The following SPECC1 variants were observed in gnomAD, a reference collection of about 807,000 sequenced individuals.
The protein encoded by SPECC1 is sperm antigen with calponin homology and coiled-coil domains 1.
A neutral mutation model predicts 104.1 loss-of-function variants in SPECC1; 62 were observed. The ratio of observed to expected loss-of-function variants is 0.60; its 90% CI spans 0.49 to 0.74. The LOEUF (loss-of-function observed/expected upper bound fraction) is 0.74, where lower values mean the gene tolerates loss of function less well. Ranked by LOEUF, SPECC1 falls within the 30% of genes least tolerant of loss-of-function variation. The pLI is 0.00. For synonymous variants in SPECC1, 513 were observed against 501.6 expected (o/e 1.02, Z -0.30); for missense variants, 1,306 against 1,310.5 (o/e 1.00, Z 0.05).
intron 3 of SPECC1, among the ~76,000 whole-genome samples, chr17:20,189,059 A>G (rs544729175): frequency 2.4e-4 from 37 of 152,288 alleles, no homozygotes; most frequent in African/African-American, 8.4e-4. Flanking sequence ...ATTATGATCT[A>G]GACTAGACTA....
At chr17:20,206,370 T>A (rs1597974229) in intron 4 of SPECC1, among the ~76,000 whole-genome samples, 1 of 152,334 alleles carries the variant, frequency 6.6e-6, no homozygotes. Flanking sequence ...TCACTCCCAA[T>A]TTTCAACTAA....
At chr17:20,196,576 A>G (rs746632693) in intron 3 of SPECC1, among the ~76,000 whole-genome samples, 2 of 152,240 alleles carry the variant, frequency 1.3e-5, no homozygotes, top group African/African-American at 2.4e-5. Flanking sequence ...TACACAGACC[A>G]TCTGAGACAT....
intron 5 of SPECC1, among the ~76,000 whole-genome samples, chr17:20,228,988 A>C (rs2038406394): frequency 6.6e-6 from 1 of 152,142 alleles, no homozygotes; most frequent in Non-Finnish European, 1.5e-5. Context: ...TGGTGAATTC[A>C]TCTGCTTGAT....
intron 3 of SPECC1, among the ~76,000 whole-genome samples, chr17:20,146,193 C>T (rs1019032722): frequency 3.3e-5 from 5 of 152,178 alleles, no homozygotes; most frequent in African/African-American, 4.8e-5. Flanking sequence ...CCCTAAAAAT[C>T]GCCTGTGCTC....
At chr17:20,242,809 G>A (rs1404316472) in intron 7 of SPECC1, among the ~76,000 whole-genome samples, 3 of 152,148 alleles carry the variant, frequency 2.0e-5, no homozygotes, top group Non-Finnish European at 4.4e-5. Context: ...ATCTAGTTTT[G>A]TTGAAAATTA....
intron 12 of SPECC1, among the ~76,000 whole-genome samples, chr17:20,261,634 T>C (rs1374719405): frequency 1.3e-5 from 2 of 152,106 alleles, no homozygotes; most frequent in African/African-American, 4.8e-5. Context: ...TCCTATGTAG[T>C]TGGGCCTCCA....
intron 13 of SPECC1, among the ~76,000 whole-genome samples, chr17:20,297,580 G>A (rs1215655351): frequency 1.3e-5 from 2 of 152,146 alleles, no homozygotes; most frequent in East Asian, 1.9e-4. Context: ...TAAGGGCCAC[G>A]TAATAGACTC....
rs1228738955 is a variant in SPECC1 at position 20,315,099 on chromosome 17, T to C, written c.*1034T>C. 4.3e-6 allele frequency: 1 copy of C among 231,724 alleles called. No homozygotes were observed. Among genetic ancestry groups the C allele is most frequent in the Non-Finnish European group, 8.5e-6 (1 of 117,656 alleles). 14.4% of individuals were successfully genotyped at this position (231,724 alleles called of 1,614,324 possible). ...CCACAGAACTTGACAGGAGGTCACA[T>C]GTGTGAATGGCCTGTGTCTGCTTTA... On this transcript the variant is annotated 3_prime_UTR_variant, in exon 15 of 15. Transcript: ENST00000395527.
At chr17:20,252,987 A>G (rs571014816) in intron 9 of SPECC1, among the ~76,000 whole-genome samples, 2 of 151,466 alleles carry the variant, frequency 1.3e-5, no homozygotes, top group Non-Finnish European at 2.9e-5. Flanking sequence ...TCCCACTAAC[A>G]GTACACAGGA....
intron 1 of SPECC1, among the ~76,000 whole-genome samples, chr17:20,086,410 G>A (rs1282451620): frequency 4.6e-5 from 7 of 152,146 alleles, no homozygotes; most frequent in African/African-American, 1.4e-4. Flanking sequence ...TTCACATGCC[G>A]AGGCCACAGC....
chr17:20,110,707 G>A (rs1010052150), intron 3 of SPECC1, 145 bp downstream of exon 3: 51 of 983,894 alleles, frequency 5.2e-5, no homozygotes, highest in Middle Eastern at 3.4e-4. Flanking sequence ...TTAGGCAGAC[G>A]ATGTCGCTGC....
chr17:20,101,659 T>TA (rs1443309985), intron 2 of SPECC1, among the ~76,000 whole-genome samples: 2 of 152,168 alleles, frequency 1.3e-5, no homozygotes, highest in African/African-American at 2.4e-5. Flanking sequence ...CCAGGTCTAT[T>TA]AATTGGGGTC....
At chr17:20,242,754 CAT>C (rs2039260497) in intron 7 of SPECC1, among the ~76,000 whole-genome samples, 1 of 152,268 alleles carries the variant, frequency 6.6e-6, no homozygotes, top group South Asian at 2.1e-4. Context: ...ATTCATGAAT[CAT>C]GTGACCATGG....
At chr17:20,032,547 T>A (rs939886183) in intron 1 of SPECC1, among the ~76,000 whole-genome samples, 4 of 152,212 alleles carry the variant, frequency 2.6e-5, no homozygotes, top group Non-Finnish European at 5.9e-5. Flanking sequence ...AATATAGTGT[T>A]GAACCTTCTC....
intron 4 of SPECC1, among the ~76,000 whole-genome samples, chr17:20,215,104 C>G (rs2037404225): frequency 6.6e-6 from 1 of 152,252 alleles, no homozygotes; most frequent in Non-Finnish European, 1.5e-5. Flanking sequence ...CTCTGCCCTT[C>G]CAGGCCAAGA....
intron 3 of SPECC1, among the ~76,000 whole-genome samples, chr17:20,118,475 C>G (rs1318573003): frequency 6.6e-6 from 1 of 152,160 alleles, no homozygotes; most frequent in African/African-American, 2.4e-5. Flanking sequence ...GAATAGTATA[C>G]AGGCATGAAA....
At chr17:20,101,689 A>G (rs1300288823) in intron 2 of SPECC1, among the ~76,000 whole-genome samples, 1 of 152,194 alleles carries the variant, frequency 6.6e-6, no homozygotes, top group East Asian at 1.9e-4. Context: ...GCAAATGATG[A>G]AACATTGGCT....
chr17:20,245,044 A>T (rs1019316194), intron 7 of SPECC1, among the ~76,000 whole-genome samples: 3 of 152,262 alleles, frequency 2.0e-5, no homozygotes, highest in Non-Finnish European at 4.4e-5. Flanking sequence ...GCTTCACCTC[A>T]TGCAGAATTG....
rs1386098109 is a variant in SPECC1, at chr17:20,237,322, T to G, written c.2351+4917T>G. On this transcript the variant is annotated intron_variant, in intron 7 of 14. Coordinates refer to ENST00000395527, the MANE Select transcript of SPECC1 (RefSeq NM_001243439.2). ...TTGTTGTTGTTTTGTTTTGTTTTTTTTTTTTTTTTGAGACAGAGTTTCACT... is the reference window on the plus strand; with the variant it reads ...TTGTTGTTGTTTTGTTTTGTTTTTTGTTTTTTTTTGAGACAGAGTTTCACT... 118 of 1,089,384 alleles carry G rather than the reference T, an allele frequency of 1.1e-4. 1 individual carries two copies. The South Asian group carries it at 2.7e-3, about 25-fold the overall frequency. 67.5% of individuals were successfully genotyped at this position (1,089,384 alleles called of 1,614,324 possible).
Sources: gnomAD v4.1 joint callset for allele counts (sites outside exome capture counted in the v4.1 genomes callset) on GRCh38, gnomAD v4.1.1 for gene constraint, MANE v1.5 for transcripts, NCBI Gene and HGNC (gene_info 2026-07-23, HGNC 2026-07-21) for gene names.